The following NPSR1 variants were observed in gnomAD, a reference collection of about 807,000 sequenced individuals.
NPSR1 encodes neuropeptide S receptor.
In NPSR1, 48 loss-of-function variants were observed where a neutral mutation model predicts 46.9. The ratio of observed to expected loss-of-function variants is 1.02; its 90% confidence interval spans 0.81 to 1.30. The LOEUF (loss-of-function observed/expected upper bound fraction) is 1.30, where lower values mean the gene tolerates loss of function less well. Among genes scored for constraint, NPSR1 ranks in the 50% most tolerant of loss-of-function variants. NPSR1 has a pLI of 0.00. For synonymous variants in NPSR1, 176 were observed against 168.1 expected (o/e 1.05, Z -0.36); for missense variants, 450 against 449.5 (o/e 1.00, Z -0.01).
intron 4 of NPSR1, among the ~76,000 whole-genome samples, chr7:34,818,486 A>C (rs1236515996): frequency 6.6e-6 from 1 of 152,210 alleles, no homozygotes; most frequent in Admixed American, 6.5e-5. Context: ...GAAAATGGCC[A>C]TACTGCCCAA....
intron 2 of NPSR1, among the ~76,000 whole-genome samples, chr7:34,705,863 G>C (rs1794079200): frequency 6.6e-6 from 1 of 151,712 alleles, no homozygotes; most frequent in Admixed American, 6.6e-5. Context: ...TACTTATCAA[G>C]AGTTTTCTTC....
rs66886501 is a variant in NPSR1 at position 34,686,960 on chromosome 7, C to CAAAA, written c.280+2294_280+2297dup. Among the ~76,000 whole-genome samples the CAAAA allele has an allele frequency of 4.1e-3, 385 of 93,962 alleles. 9 individuals are homozygous for CAAAA. In the South Asian group the frequency reaches 0.044, roughly 11 times the overall value. The allele number at this position is 93,962 out of a possible 152,430, so 61.6% of individuals were successfully genotyped here. The stretch of plus-strand genomic sequence containing the variant: ...TGGGCGACAGAGTGAGACTCCGTCT[C>CAAAA]AAAAAAAAAAAAAAAAAAAAAGAAA... On this transcript the variant is annotated intron_variant, in intron 2 of 8. Transcript: ENST00000360581.
intron 4 of NPSR1, among the ~76,000 whole-genome samples, chr7:34,817,705 A>AAAAGCTTATCC (rs1368597957): frequency 6.6e-6 from 1 of 151,498 alleles, no homozygotes; most frequent in Non-Finnish European, 1.5e-5. Flanking sequence ...CAGCACATCA[A>AAAAGCTTATCC]AAAGCTTATC....
intron 3 of NPSR1, 23 bp from the exon 4 acceptor site, chr7:34,811,747 C>T: frequency 6.5e-7 from 1 of 1,543,556 alleles, no homozygotes; most frequent in Non-Finnish European, 8.9e-7. Context: ...AAGTCATAAG[C>T]TTCCTCTCAT....
chr7:34,832,344 G>A (rs1176327587), intron 5 of NPSR1, among the ~76,000 whole-genome samples: 5 of 152,136 alleles, frequency 3.3e-5, no homozygotes, highest in Non-Finnish European at 2.9e-5. Flanking sequence ...GACCAGCCTG[G>A]CAGCATGGTG....
intron 8 of NPSR1, among the ~76,000 whole-genome samples, chr7:34,857,173 C>T (rs1309311935): frequency 6.6e-6 from 1 of 151,574 alleles, no homozygotes; most frequent in African/African-American, 2.4e-5. Context: ...TGTTCAGAAA[C>T]TGAATATCCT....
intron 2 of NPSR1, among the ~76,000 whole-genome samples, chr7:34,696,641 C>T (rs1421134720): frequency 6.6e-6 from 1 of 150,860 alleles, no homozygotes. Context: ...AATATAGGTC[C>T]AAAGAAAATA....
chr7:34,751,696 GTGGGGAGCAT>G, intron 2 of NPSR1: 1 of 1,588,274 alleles, frequency 6.3e-7, no homozygotes, highest in Non-Finnish European at 8.6e-7. Flanking sequence ...CAACAGGAAA[GTGGGGAGCAT>G]TGTGGGAGAC....
chr7:34,757,001 T>C (rs1371114998), intron 2 of NPSR1, among the ~76,000 whole-genome samples: 1 of 152,170 alleles, frequency 6.6e-6, no homozygotes, highest in African/African-American at 2.4e-5. Flanking sequence ...AAATTATGTC[T>C]ATAATTGTGC....
At chr7:34,704,191 C>T (rs1750656002) in intron 2 of NPSR1, 1 of 152,088 alleles carries the variant, frequency 6.6e-6, no homozygotes, top group South Asian at 2.1e-4. Flanking sequence ...GATTTCAGTC[C>T]TTGTTTTCCT....
intron 2 of NPSR1, among the ~76,000 whole-genome samples, chr7:34,773,429 C>A (rs1033859404): frequency 2.6e-5 from 4 of 152,108 alleles, no homozygotes; most frequent in Admixed American, 2.0e-4. Flanking sequence ...GATTTCCATT[C>A]TTGTTTGGTA....
At chr7:34,737,612 C>T (rs1332593473) in intron 2 of NPSR1, among the ~76,000 whole-genome samples, 1 of 152,220 alleles carries the variant, frequency 6.6e-6, no homozygotes, top group African/African-American at 2.4e-5. Flanking sequence ...TTCAACACAA[C>T]TGGCCACTCC....
Position 34,849,971 on chromosome 7 carries a change from G to T in NPSR1, c.*316G>T. 9.2e-7 allele frequency: 1 copy of T among 1,086,532 alleles called. No homozygotes were observed. Among genetic ancestry groups the T allele is most frequent in the South Asian group, 3.7e-5 (1 of 27,368 alleles). The allele number at this position is 1,086,532 out of a possible 1,614,324, so 67.3% of individuals were successfully genotyped here. On this transcript the variant is annotated 3_prime_UTR_variant, in exon 9 of 9. Coordinates refer to ENST00000360581, the MANE Select transcript of NPSR1 (RefSeq NM_207172.2). Reference sequence around the variant, plus strand: ...TCCAGGGTCCTGGCTTGGAGCCAGTGAGTAGACAGGCAAGCAGAGGGGACA... The same window carrying T: ...TCCAGGGTCCTGGCTTGGAGCCAGTTAGTAGACAGGCAAGCAGAGGGGACA...
chr7:34,799,014 A>T (rs530811282), intron 3 of NPSR1, among the ~76,000 whole-genome samples: 1 of 152,296 alleles, frequency 6.6e-6, no homozygotes, highest in South Asian at 2.1e-4. Flanking sequence ...AAAAAATGTG[A>T]TATTAATAAA....
At chr7:34,835,605 G>A (rs1294462498) in intron 6 of NPSR1, among the ~76,000 whole-genome samples, 1 of 152,136 alleles carries the variant, frequency 6.6e-6, no homozygotes, top group Non-Finnish European at 1.5e-5. Flanking sequence ...GCCACCAAGA[G>A]GATGCACAAG....
intron 2 of NPSR1, among the ~76,000 whole-genome samples, chr7:34,757,460 G>C (rs1441806872): frequency 6.6e-6 from 1 of 152,156 alleles, no homozygotes; most frequent in South Asian, 2.1e-4. Flanking sequence ...GCCAGTGTTT[G>C]TTCCCCACTT....
At chr7:34,774,020 C>G (rs1319696957) in intron 2 of NPSR1, among the ~76,000 whole-genome samples, 1 of 152,186 alleles carries the variant, frequency 6.6e-6, no homozygotes, top group Non-Finnish European at 1.5e-5. Context: ...CACAGCTAGA[C>G]TATTGGCTAC....
intron 6 of NPSR1, among the ~76,000 whole-genome samples, chr7:34,835,670 A>G (rs995472575): frequency 6.6e-6 from 1 of 152,198 alleles, no homozygotes; most frequent in Non-Finnish European, 1.5e-5. Context: ...GAGTGGAGAT[A>G]CATAAGTCTG....
intron 2 of NPSR1, among the ~76,000 whole-genome samples, chr7:34,749,086 C>G (rs972122839): frequency 4.0e-5 from 6 of 151,836 alleles, no homozygotes; most frequent in African/African-American, 1.5e-4. Context: ...AGGCGCCATG[C>G]CCCCTGAATG....
Sources: allele counts gnomAD v4.1 joint callset (sites outside exome capture counted in the v4.1 genomes callset), GRCh38; gene constraint gnomAD v4.1.1; transcripts MANE v1.5; gene names NCBI Gene and HGNC (gene_info 2026-07-23, HGNC 2026-07-21).